Variants in TMEM65 observed in about 807,000 individuals in gnomAD.
TMEM65 encodes transmembrane protein 65.
In TMEM65, 22 loss-of-function variants were observed where a neutral mutation model predicts 25.4. The ratio of observed to expected loss-of-function variants is 0.86; its 90% CI spans 0.62 to 1.23. The LOEUF is 1.23. TMEM65 is among the 50% of genes most tolerant of loss of function. The pLI, the probability that TMEM65 is intolerant of heterozygous loss-of-function variation, is 0.00. For synonymous variants in TMEM65, 132 were observed against 126.2 expected, an observed-to-expected ratio of 1.05 and a Z score of -0.31; for missense variants, 262 against 308.2, an observed-to-expected ratio of 0.85 and a Z score of 1.12.
At chr8:124,364,549 C>G (rs1352676801) in intron 1 of TMEM65, among the ~76,000 whole-genome samples, 1 of 152,156 alleles carries the variant, frequency 6.6e-6, no homozygotes, top group African/African-American at 2.4e-5. Context: ...ACTCCGACAT[C>G]TGGTAGAAGC....
intron 1 of TMEM65, among the ~76,000 whole-genome samples, chr8:124,360,003 C>T (rs1046479652): frequency 4.6e-5 from 7 of 152,094 alleles, no homozygotes; most frequent in African/African-American, 1.7e-4. Context: ...ACCCTAAACT[C>T]AATAATTTCA....
At chr8:124,360,825 A>G (rs1248371074) in intron 1 of TMEM65, among the ~76,000 whole-genome samples, 3 of 152,240 alleles carry the variant, frequency 2.0e-5, no homozygotes, top group African/African-American at 7.2e-5. Flanking sequence ...AAAATTATTT[A>G]AAAGCCAGCA....
chr8:124,363,836 CAAAAAAAAAAAAA>C (rs869161640), intron 1 of TMEM65, among the ~76,000 whole-genome samples: 40 of 55,718 alleles, frequency 7.2e-4, no homozygotes, highest in East Asian at 6.0e-3. Context: ...GACTCCGTCT[CAAAAAAAAAAAAA>C]AAAAAAAAAA....
At chr8:124,328,891 C>A (rs1185828273) in intron 2 of TMEM65, among the ~76,000 whole-genome samples, 1 of 151,886 alleles carries the variant, frequency 6.6e-6, no homozygotes, top group African/African-American at 2.4e-5. Flanking sequence ...GAGCTCTGCA[C>A]CTAGCAGGAA....
chr8:124,358,020 C>T (rs956887491), intron 1 of TMEM65, among the ~76,000 whole-genome samples: 3 of 151,466 alleles, frequency 2.0e-5, no homozygotes, highest in African/African-American at 4.9e-5. Context: ...AGTAGAGACA[C>T]GGTTTCGCCA....
intron 1 of TMEM65, among the ~76,000 whole-genome samples, chr8:124,333,491 G>GTGTC (rs1554589082): frequency 1.1e-4 from 17 of 151,566 alleles, no homozygotes; most frequent in Admixed American, 7.9e-4. Context: ...GTGTGTGTGT[G>GTGTC]TGTGTGTCTG....
Position 124,309,336 on chromosome 8 carries a change from T to C in TMEM65, c.*4624A>G, listed in dbSNP as rs1814129082. 1 of 152,212 alleles carries C rather than the reference T, an allele frequency of 6.6e-6. No homozygotes were observed. Among genetic ancestry groups the C allele is most frequent in the Admixed American group, 6.5e-5 (1 of 15,288 alleles). The allele number at this position is 152,212 out of a possible 1,614,324, so 9.4% of individuals were successfully genotyped here. ...CCATTGTTCAAGAGTCAACTGTAAA[T>C]GATTTGCTGATGGGAATATCTACAG... On this transcript the variant is annotated 3_prime_UTR_variant, in exon 7 of 7. Transcript: ENST00000297632.
intron 1 of TMEM65, among the ~76,000 whole-genome samples, chr8:124,335,235 G>A (rs1043346674): frequency 4.6e-5 from 7 of 152,078 alleles, no homozygotes; most frequent in East Asian, 1.9e-4. Flanking sequence ...GAAAATGGGC[G>A]TCAGTCCAGT....
At chr8:124,320,647 G>A (rs1204231068) in intron 5 of TMEM65, among the ~76,000 whole-genome samples, 2 of 152,022 alleles carry the variant, frequency 1.3e-5, no homozygotes, top group Non-Finnish European at 2.9e-5. Context: ...TCCTCAGATT[G>A]GTAAACTAAC....
chr8:124,353,657 G>C (rs1054563120), intron 1 of TMEM65, among the ~76,000 whole-genome samples: 3 of 152,126 alleles, frequency 2.0e-5, no homozygotes, highest in Non-Finnish European at 2.9e-5. Flanking sequence ...AAAAGTGCAA[G>C]ATGAGTCTGG....
At position 124,310,028 on chromosome 8, in the gene TMEM65, C is replaced by A. The variant is rs558524233; in HGVS notation, c.*3932G>T. 6.6e-6 allele frequency: 1 copy of A among 152,078 alleles called. No individual in the cohort carries two copies. Among genetic ancestry groups the A allele is most frequent in the African/African-American group, 2.4e-5 (1 of 41,362 alleles). The allele number at this position is 152,078 out of a possible 1,614,324, so 9.4% of individuals were successfully genotyped here. A position where few individuals can be genotyped will look rare whatever the true frequency, so the allele number is the denominator to read the frequency against. ...TACAAAAAAATTAGGCTCGGTGGCA[C>A]GTGACTGTAATCCCAGCTACTCAGG... On this transcript the variant is annotated 3_prime_UTR_variant, in exon 7 of 7. Coordinates refer to ENST00000297632, the MANE Select transcript of TMEM65 (RefSeq NM_194291.3).
In TMEM65 at chr8:124,313,917, G is replaced by C; in HGVS notation, c.*43C>G. The C allele has an allele frequency of 7.7e-7, 1 of 1,301,468 alleles. No individual in the cohort carries two copies. 80.6% of individuals were successfully genotyped at this position (1,301,468 alleles called of 1,614,324 possible). On this transcript the variant is annotated 3_prime_UTR_variant, in exon 7 of 7. Coordinates refer to ENST00000297632, the MANE Select transcript of TMEM65 (RefSeq NM_194291.3). Reference sequence around the variant, plus strand: ...TGTTGTGACAGCATATTTAATTACTGAGGTACATTAGTTTACATCTTTTTA... The same window carrying C: ...TGTTGTGACAGCATATTTAATTACTCAGGTACATTAGTTTACATCTTTTTA...
chr8:124,358,050 A>G (rs113500403), intron 1 of TMEM65, among the ~76,000 whole-genome samples: 12,976 of 151,862 alleles, frequency 0.085, 606 homozygotes, highest in African/African-American at 0.11. Flanking sequence ...GGCTGGTCTC[A>G]AACTCCTGAC....
chr8:124,317,872 C>T (rs2131194019), intron 6 of TMEM65, among the ~76,000 whole-genome samples: 1 of 152,218 alleles, frequency 6.6e-6, no homozygotes, highest in East Asian at 1.9e-4. Context: ...GGCCACATGG[C>T]AAAGAACTGC....
chr8:124,351,580 A>C (rs900996282), intron 1 of TMEM65, among the ~76,000 whole-genome samples: 1 of 152,208 alleles, frequency 6.6e-6, no homozygotes, highest in African/African-American at 2.4e-5. Flanking sequence ...CCATACCTTG[A>C]TAAATTGTCA....
chr8:124,343,785 T>C, intron 1 of TMEM65, among the ~76,000 whole-genome samples: 1 of 152,176 alleles, frequency 6.6e-6, no homozygotes, highest in Non-Finnish European at 1.5e-5. Context: ...CTTTTCTGTT[T>C]ATATATGGCA....
intron 6 of TMEM65, among the ~76,000 whole-genome samples, chr8:124,317,935 GGAA>G (rs1476301086): frequency 5.9e-5 from 9 of 152,040 alleles, no homozygotes; most frequent in African/African-American, 1.4e-4. Context: ...GGGCCACATT[GGAA>G]GAAGAAGAAT....
intron 3 of TMEM65, among the ~76,000 whole-genome samples, chr8:124,324,127 G>C (rs536389911): frequency 7.9e-5 from 12 of 152,134 alleles, no homozygotes; most frequent in African/African-American, 2.6e-4. Context: ...TCTAATCCCT[G>C]AGCAATGCTG....
chr8:124,332,443 TTGAG>T (rs1390265626), intron 1 of TMEM65, among the ~76,000 whole-genome samples: 1 of 152,044 alleles, frequency 6.6e-6, no homozygotes, highest in Non-Finnish European at 1.5e-5. Context: ...TCCCAACTCA[TTGAG>T]TAAAACATTA....
Sources: allele counts gnomAD v4.1 joint callset (sites outside exome capture counted in the v4.1 genomes callset), GRCh38; gene constraint gnomAD v4.1.1; transcripts MANE v1.5; gene names NCBI Gene and HGNC (gene_info 2026-07-23, HGNC 2026-07-21).